TNIP3: variants seen among roughly 807,000 people sequenced by gnomAD.
TNIP3 encodes TNFAIP3 interacting protein 3.
TNIP3 carries 34 observed loss-of-function variants against 54.1 expected under a neutral mutation model. That is an observed-to-expected ratio of 0.63 (90% CI 0.48 to 0.84). The LOEUF (loss-of-function observed/expected upper bound fraction) is 0.84, where lower values mean the gene tolerates loss of function less well. Among genes scored for constraint, TNIP3 ranks in the 40% least tolerant of loss-of-function variants. The pLI, the probability that TNIP3 is intolerant of heterozygous loss-of-function variation, is 0.00. For synonymous variants in TNIP3, 134 were observed against 136.8 expected (o/e 0.98, Z 0.14); for missense variants, 366 against 387.6 (o/e 0.94, Z 0.47).
At chr4:121,190,380 TTAAG>T (rs777789245) in intron 2 of TNIP3, among the ~76,000 whole-genome samples, 40 of 152,270 alleles carry the variant, frequency 2.6e-4, no homozygotes, top group Non-Finnish European at 5.3e-4. Flanking sequence ...CACATACTTA[TTAAG>T]TATTTGACAA....
At chr4:121,224,778 T>G (rs375851035) in intron 1 of TNIP3, among the ~76,000 whole-genome samples, 1 of 152,202 alleles carries the variant, frequency 6.6e-6, no homozygotes. Context: ...TATCTATAAT[T>G]GTTTTGCCTT....
intron 2 of TNIP3, among the ~76,000 whole-genome samples, chr4:121,210,480 A>G (rs1726421701): frequency 6.6e-6 from 1 of 152,232 alleles, no homozygotes; most frequent in Non-Finnish European, 1.5e-5. Context: ...CAACAAGAAA[A>G]GCAAATAAAA....
chr4:121,192,005 T>C (rs576570671), intron 2 of TNIP3, among the ~76,000 whole-genome samples: 4 of 152,354 alleles, frequency 2.6e-5, no homozygotes, highest in Non-Finnish European at 4.4e-5. Flanking sequence ...CTAAAAATTT[T>C]ATAATAGAAA....
chr4:121,221,209 T>C (rs1220780734), upstream of TNIP3, among the ~76,000 whole-genome samples: 1 of 152,196 alleles, frequency 6.6e-6, no homozygotes, highest in Non-Finnish European at 1.5e-5. Context: ...TATAAAACCT[T>C]GGTTATGTTT....
intron 1 of TNIP3, among the ~76,000 whole-genome samples, chr4:121,161,848 T>C (rs114526875): frequency 0.28 from 42,417 of 151,940 alleles, 6,623 homozygotes; most frequent in African/African-American, 0.43. Context: ...TTTCAGTTAT[T>C]TTTTTCAGGA....
rs944097089 is a variant in TNIP3, at chr4:121,169,462, A to T, written c.190-5316T>A. 5.3e-5 allele frequency among the ~76,000 whole-genome samples: 8 copies of T among 151,814 alleles called. No individual in the cohort carries two copies. The East Asian group carries it at 9.7e-4, about 18-fold the overall frequency. On this transcript the variant is annotated intron_variant, in intron 3 of 12. Transcript: ENST00000507879. ...CTGCTTTATTTTTCCATAACACTAAATTTTTTTCTTCTTTTTGTTGATTGC... is the reference window on the plus strand; with the variant it reads ...CTGCTTTATTTTTCCATAACACTAATTTTTTTTCTTCTTTTTGTTGATTGC...
Position 121,216,616 on chromosome 4 carries a change from G to A in TNIP3, c.-49C>T. 8 of 1,470,354 alleles carry A rather than the reference G, an allele frequency of 5.4e-6. No individual in the cohort carries two copies. The South Asian group carries it at 1.1e-4, about 20-fold the overall frequency. 91.1% of individuals were successfully genotyped at this position (1,470,354 alleles called of 1,614,324 possible). A position where few individuals can be genotyped will look rare whatever the true frequency, so the allele number is the denominator to read the frequency against. On this transcript the variant is annotated 5_prime_UTR_variant, in exon 1 of 13. Coordinates refer to the TNIP3 transcript ENST00000507879. ...AAATGCATTTTTCATCAAAAGCCAT[G>A]TTTTTATTCTCATGTCTTGTTTTCA...
intron 7 of TNIP3, 86 bp from the exon 8 acceptor site, chr4:121,142,862 G>T (rs376773298): frequency 9.0e-7 from 1 of 1,104,980 alleles, no homozygotes; most frequent in Non-Finnish European, 1.3e-6. Flanking sequence ...CAAGTGTCAG[G>T]CATTGACAGC....
chr4:121,196,557 AT>A (rs954506381), intron 2 of TNIP3, among the ~76,000 whole-genome samples: 50 of 151,972 alleles, frequency 3.3e-4, no homozygotes, highest in Middle Eastern at 3.4e-3. Flanking sequence ...AATTTGTCAC[AT>A]TTTTTTTAAT....
chr4:121,217,012 C>A (rs549151317), upstream of TNIP3, among the ~76,000 whole-genome samples: 9 of 151,002 alleles, frequency 6.0e-5, no homozygotes, highest in East Asian at 1.7e-3. Context: ...TGGTAATGGA[C>A]AATGAAAAAA....
At chr4:121,198,058 C>A (rs1725695348) in intron 2 of TNIP3, among the ~76,000 whole-genome samples, 1 of 151,656 alleles carries the variant, frequency 6.6e-6, no homozygotes, top group African/African-American at 2.4e-5. Flanking sequence ...TAGAAAAGAA[C>A]TAGAGGATGC....
intron 9 of TNIP3, among the ~76,000 whole-genome samples, chr4:121,139,617 T>C (rs139098507): frequency 1.2e-3 from 177 of 152,332 alleles, no homozygotes; most frequent in African/African-American, 4.1e-3. Flanking sequence ...TTTACAAGGC[T>C]GCCAGACCAC....
intron 2 of TNIP3, among the ~76,000 whole-genome samples, chr4:121,205,828 A>G (rs1403932657): frequency 6.6e-6 from 1 of 152,192 alleles, no homozygotes; most frequent in African/African-American, 2.4e-5. Flanking sequence ...CTATGAAGAA[A>G]TACCTGAGAC....
chr4:121,132,757 A>AC (rs1203806445), intron 10 of TNIP3, 95 bp from the exon 11 acceptor site: 1 of 625,308 alleles, frequency 1.6e-6, no homozygotes, highest in Non-Finnish European at 2.4e-6. Flanking sequence ...CAGGATGGCA[A>AC]AAAAAAAAAA....
intron 2 of TNIP3, chr4:121,216,411 T>C: frequency 7.8e-6 from 12 of 1,534,580 alleles, no homozygotes; most frequent in South Asian, 1.2e-5. Context: ...TAAACTGTTA[T>C]TACCTTTCAG....
chr4:121,225,783 C>T (rs899218932), intron 1 of TNIP3, among the ~76,000 whole-genome samples: 7 of 152,082 alleles, frequency 4.6e-5, no homozygotes, highest in East Asian at 1.9e-4. Flanking sequence ...CCTTGGCCCC[C>T]GACCTGGACA....
At chr4:121,176,231 C>T (rs912902134) in intron 3 of TNIP3, among the ~76,000 whole-genome samples, 3 of 152,182 alleles carry the variant, frequency 2.0e-5, no homozygotes, top group African/African-American at 7.2e-5. Flanking sequence ...CAGTAATGAG[C>T]GTCAAATGCC....
At chr4:121,179,975 C>T (rs954026354) in intron 3 of TNIP3, among the ~76,000 whole-genome samples, 2 of 151,860 alleles carry the variant, frequency 1.3e-5, no homozygotes, top group Non-Finnish European at 2.9e-5. Flanking sequence ...TTTAATGAGC[C>T]CAGGACAGAT....
chr4:121,198,611 C>A lies in TNIP3; in HGVS notation c.69-15815G>T, dbSNP rs190856637. Among the ~76,000 whole-genome samples the A allele has an allele frequency of 9.9e-5, 15 of 152,256 alleles. No individual in the cohort carries two copies. In the East Asian group the frequency reaches 2.7e-3, roughly 27 times the overall value. ...TCAAGGTTTCTGTTAAAAACAAAAA[C>A]TATAGCATTATTTTGCCTCTAAACA... On this transcript the variant is annotated intron_variant, in intron 2 of 12. Transcript: ENST00000507879.
Sources: gnomAD v4.1 joint callset for allele counts (sites outside exome capture counted in the v4.1 genomes callset) on GRCh38, gnomAD v4.1.1 for gene constraint, MANE v1.5 for transcripts, NCBI Gene and HGNC (gene_info 2026-07-23, HGNC 2026-07-21) for gene names.